The following KCNH7 variants were observed in gnomAD, a reference collection of about 807,000 sequenced individuals.
KCNH7 encodes the protein potassium voltage-gated channel subfamily H member 7, also known as voltage-gated inwardly rectifying potassium channel KCNH7.
Under a neutral mutation model 120.8 loss-of-function variants are expected in KCNH7, and 49 were observed. The observed-to-expected ratio is 0.41, with a 90% CI of 0.32 to 0.51. The LOEUF (loss-of-function observed/expected upper bound fraction) is 0.51. KCNH7 is among the 20% of genes least tolerant of loss of function. The pLI is 0.38. For synonymous variants in KCNH7, 547 were observed against 516.1 expected (o/e 1.06, Z -0.81); for missense variants, 1,097 against 1,446.6 (o/e 0.76, Z 3.92).
chr2:162,826,030 G>A (rs1360833996), intron 2 of KCNH7, among the ~76,000 whole-genome samples: 1 of 150,000 alleles, frequency 6.7e-6, no homozygotes, highest in Non-Finnish European at 1.5e-5. Flanking sequence ...AGAGAGTAGA[G>A]ATATAAGTCC....
At chr2:162,810,920 T>C (rs1184364367) in intron 2 of KCNH7, among the ~76,000 whole-genome samples, 2 of 152,156 alleles carry the variant, frequency 1.3e-5, no homozygotes, top group Admixed American at 6.6e-5. Context: ...AAACTAATTA[T>C]GGTAAAGGCC....
rs545174943 is a variant in KCNH7 at position 162,397,906 on chromosome 2, C to G, written c.2408-961G>C. 3.9e-5 allele frequency among the ~76,000 whole-genome samples: 6 copies of G among 151,924 alleles called. No individual in the cohort carries two copies. The South Asian group carries it at 1.2e-3, about 32-fold the overall frequency. On this transcript the variant is annotated intron_variant, in intron 10 of 15. Transcript: ENST00000332142. ...GAAGTGGAGGGAGGGAGAGAACAGCCAGAACTAAATCCCATGCATCCTGAT... is the reference window on the plus strand; with the variant it reads ...GAAGTGGAGGGAGGGAGAGAACAGCGAGAACTAAATCCCATGCATCCTGAT...
rs190811988 is a variant in KCNH7, at chr2:162,551,686, A to G, written c.308-14606T>C. ...AAGCTATATAAGCAGAATGTATTGC[A>G]CGTATTGGACAAAAATATTACAAAT... On this transcript the variant is annotated intron_variant, in intron 2 of 15. Coordinates refer to ENST00000332142, the MANE Select transcript of KCNH7 (RefSeq NM_033272.4). Among the ~76,000 whole-genome samples, 164 of 152,312 alleles carry G rather than the reference A, an allele frequency of 1.1e-3. 1 individual carries two copies. The highest frequency in any genetic ancestry group is 3.7e-3 in the African/African-American group (153 of 41,568).
chr2:162,673,308 A>G (rs1685424162), intron 2 of KCNH7, among the ~76,000 whole-genome samples: 1 of 152,108 alleles, frequency 6.6e-6, no homozygotes, highest in Non-Finnish European at 1.5e-5. Flanking sequence ...TGTAAAATAT[A>G]GCAAATCATA....
chr2:162,543,956 C>A (rs1692395944), intron 2 of KCNH7, among the ~76,000 whole-genome samples: 1 of 152,094 alleles, frequency 6.6e-6, no homozygotes, highest in African/African-American at 2.4e-5. Context: ...TTCAATGATG[C>A]AGTTGAGTCA....
intron 2 of KCNH7, among the ~76,000 whole-genome samples, chr2:162,539,480 T>C (rs1044925870): frequency 6.6e-6 from 1 of 152,214 alleles, no homozygotes; most frequent in South Asian, 2.1e-4. Context: ...AGGCTTGTAA[T>C]AGAGCAGTTT....
At chr2:162,820,057 T>TTTTTA (rs1685057360) in intron 2 of KCNH7, among the ~76,000 whole-genome samples, 1 of 122,992 alleles carries the variant, frequency 8.1e-6, no homozygotes, top group African/African-American at 2.7e-5. Context: ...TTTTTTTTTT[T>TTTTTA]GAGGTGGAGT....
intron 2 of KCNH7, among the ~76,000 whole-genome samples, chr2:162,836,283 T>G (rs1162471991): frequency 6.6e-6 from 1 of 152,192 alleles, no homozygotes; most frequent in Non-Finnish European, 1.5e-5. Context: ...CTAAGACTGA[T>G]TTGTAGCATT....
intron 8 of KCNH7, among the ~76,000 whole-genome samples, chr2:162,429,133 A>G (rs926121554): frequency 2.0e-5 from 3 of 151,734 alleles, no homozygotes; most frequent in Non-Finnish European, 4.4e-5. Flanking sequence ...CTTGTTAGCT[A>G]TAGTTGTAGG....
intron 2 of KCNH7, among the ~76,000 whole-genome samples, chr2:162,537,860 A>G (rs1194416492): frequency 6.6e-6 from 1 of 152,088 alleles, no homozygotes; most frequent in African/African-American, 2.4e-5. Flanking sequence ...ACAGAAACCC[A>G]CAGGTCCAAG....
chr2:162,454,111 C>A (rs1270177501), intron 6 of KCNH7, among the ~76,000 whole-genome samples: 2 of 152,038 alleles, frequency 1.3e-5, no homozygotes, highest in African/African-American at 4.8e-5. Flanking sequence ...GTCTTTAATC[C>A]ATTTTGAGTT....
At chr2:162,755,146 T>G (rs1688741420) in intron 2 of KCNH7, among the ~76,000 whole-genome samples, 1 of 152,086 alleles carries the variant, frequency 6.6e-6, no homozygotes, top group Admixed American at 6.6e-5. Context: ...CTTTTCTATA[T>G]GGTTGATGTT....
intron 2 of KCNH7, among the ~76,000 whole-genome samples, chr2:162,726,508 C>T (rs553719016): frequency 6.6e-6 from 1 of 152,288 alleles, no homozygotes; most frequent in Non-Finnish European, 1.5e-5. Flanking sequence ...TAACCCCCGC[C>T]TCCCGGATTC....
chr2:162,645,488 C>T (rs534069278), intron 2 of KCNH7, among the ~76,000 whole-genome samples: 1 of 152,180 alleles, frequency 6.6e-6, no homozygotes, highest in East Asian at 1.9e-4. Context: ...CACCATGGAA[C>T]AGAGGTACCA....
chr2:162,752,993 GAAAA>G (rs1688647052), intron 2 of KCNH7, among the ~76,000 whole-genome samples: 1 of 133,894 alleles, frequency 7.5e-6, no homozygotes, highest in African/African-American at 3.3e-5. Flanking sequence ...GAAAAGAAAA[GAAAA>G]GAAAAGAAAA....
chr2:162,628,440 T>A (rs1683634879), intron 2 of KCNH7, among the ~76,000 whole-genome samples: 1 of 152,076 alleles, frequency 6.6e-6, no homozygotes, highest in South Asian at 2.1e-4. Context: ...CCTTGAGAAA[T>A]CTTTTCTTTT....
intron 3 of KCNH7, among the ~76,000 whole-genome samples, chr2:162,531,366 C>CT (rs1434404338): frequency 5.9e-5 from 9 of 151,928 alleles, no homozygotes; most frequent in Admixed American, 3.3e-4. Flanking sequence ...TATACCCTCC[C>CT]TTTTTCACTT....
chr2:162,796,767 A>G (rs1439259279), intron 2 of KCNH7: 2 of 152,058 alleles, frequency 1.3e-5, no homozygotes, highest in African/African-American at 2.4e-5. Flanking sequence ...TGTAGCTACA[A>G]TAAAATAGGT....
intron 2 of KCNH7, among the ~76,000 whole-genome samples, chr2:162,651,990 C>G (rs1285192848): frequency 6.6e-6 from 1 of 152,096 alleles, no homozygotes; most frequent in East Asian, 1.9e-4. Flanking sequence ...TTCTTGGCCA[C>G]AAATATGTCT....
Sources: gnomAD v4.1 joint callset for allele counts (sites outside exome capture counted in the v4.1 genomes callset) on GRCh38, gnomAD v4.1.1 for gene constraint, MANE v1.5 for transcripts, NCBI Gene and HGNC (gene_info 2026-07-23, HGNC 2026-07-21) for gene names.